DCLK2: variants seen among roughly 807,000 people sequenced by gnomAD.
The protein encoded by DCLK2 is serine/threonine-protein kinase DCLK2.
Under a neutral mutation model 78.4 loss-of-function variants are expected in DCLK2, and 31 were observed. The ratio of observed to expected loss-of-function variants is 0.40; its 90% CI spans 0.30 to 0.53. DCLK2 has a LOEUF of 0.53. DCLK2 is among the 20% of genes least tolerant of loss of function. The pLI is 0.61. For missense variants in DCLK2, 872 were observed against 973.7 expected (o/e 0.90, Z 1.39); for synonymous variants, 407 against 374.9 (o/e 1.09, Z -0.99).
chr4:150,251,240 CA>C lies in DCLK2; in HGVS notation c.2073+1557del, dbSNP rs1388828994. 5.0e-4 allele frequency among the ~76,000 whole-genome samples: 2 copies of C among 4,000 alleles called. 1 individual carries two copies. Among genetic ancestry groups the C allele is most frequent in the Non-Finnish European group, 1.1e-3 (2 of 1,852 alleles). The allele number at this position is 4,000 out of a possible 152,430, so 2.6% of individuals were successfully genotyped here. On this transcript the variant is annotated intron_variant, in intron 15 of 15. Coordinates refer to ENST00000296550, the MANE Select transcript of DCLK2 (RefSeq NM_001040260.4). ...ACACCCCACACATCCCCCACACCCC[CA>C]CACATCCCCCACACCCCACACATCC...
intron 10 of DCLK2, among the ~76,000 whole-genome samples, chr4:150,236,063 C>T (rs1004242731): frequency 2.6e-5 from 4 of 152,138 alleles, no homozygotes; most frequent in African/African-American, 9.7e-5. Flanking sequence ...TATTTGAAGT[C>T]CTTCTAAATC....
intron 2 of DCLK2, among the ~76,000 whole-genome samples, chr4:150,139,153 C>T (rs1162711359): frequency 6.6e-6 from 1 of 152,114 alleles, no homozygotes; most frequent in Non-Finnish European, 1.5e-5. Context: ...AGACCTGGGC[C>T]ACCATGCCTG....
Position 150,256,403 on chromosome 4 carries a change from TGCCGGA to T in DCLK2, c.*160_*165del. On this transcript the variant is annotated 3_prime_UTR_variant, in exon 16 of 16. Coordinates refer to ENST00000296550, the MANE Select transcript of DCLK2 (RefSeq NM_001040260.4). ...GCCGCCTGGGAACCGGAGCCTGGCGTGCCGGAGCCTGGCCTGGTGCTCTGGGCTCTG... is the reference window on the plus strand; with the variant it reads ...GCCGCCTGGGAACCGGAGCCTGGCGTGCCTGGCCTGGTGCTCTGGGCTCTG... The T allele has an allele frequency of 9.8e-7, 1 of 1,022,178 alleles. No individual in the cohort carries two copies. The highest frequency in any genetic ancestry group is 1.4e-6 in the Non-Finnish European group (1 of 729,484). The allele number at this position is 1,022,178 out of a possible 1,614,324, so 63.3% of individuals were successfully genotyped here.
chr4:150,096,056 C>G (rs1034742247), intron 1 of DCLK2, among the ~76,000 whole-genome samples: 3 of 152,148 alleles, frequency 2.0e-5, no homozygotes, highest in African/African-American at 7.2e-5. Context: ...TTTTTAAAAA[C>G]TTGTGACAGC....
intron 10 of DCLK2, among the ~76,000 whole-genome samples, chr4:150,238,403 C>T (rs1163490121): frequency 1.3e-5 from 2 of 151,980 alleles, no homozygotes; most frequent in African/African-American, 4.8e-5. Context: ...TTATATATAA[C>T]GTTTGGGTCC....
rs551284926 is a variant in DCLK2 at position 150,204,096 on chromosome 4, T to G, written c.1056+207T>G. ...CTCCTCTGAGCTGAAGTGTTTCTCTTCTCTAAAATGGGAACACGGGGTTGT... is the reference window on the plus strand; with the variant it reads ...CTCCTCTGAGCTGAAGTGTTTCTCTGCTCTAAAATGGGAACACGGGGTTGT... On this transcript the variant is annotated intron_variant, in intron 5 of 15. Transcript: ENST00000296550. Among the ~76,000 whole-genome samples the G allele has an allele frequency of 7.9e-5, 12 of 152,330 alleles. No individual in the cohort carries two copies. In the East Asian group the frequency reaches 2.3e-3, roughly 29 times the overall value.
At chr4:150,135,165 T>TACACACACACAC (rs57866267) in intron 2 of DCLK2, among the ~76,000 whole-genome samples, 3,120 of 146,902 alleles carry the variant, frequency 0.021, 99 homozygotes, top group African/African-American at 0.07. Flanking sequence ...CATACACGTG[T>TACACACACACAC]ACACACACAC....
At chr4:150,251,734 ACCCG>A in intron 15 of DCLK2, among the ~76,000 whole-genome samples, 1 of 37,932 alleles carries the variant, frequency 2.6e-5, no homozygotes, top group South Asian at 1.2e-3. Context: ...CACACCCCAC[ACCCG>A]AACACACCCC....
Position 150,185,668 on chromosome 4 carries a change from A to G in DCLK2, c.757-7470A>G, listed in dbSNP as rs1223078200. On this transcript the variant is annotated intron_variant, in intron 2 of 15. Coordinates refer to ENST00000296550, the MANE Select transcript of DCLK2 (RefSeq NM_001040260.4). ...GGTGGAGGTTGCAGTGAGCTGAGAT[A>G]GCGTCATTGTACTCCAGCCTGGGCG... Among the ~76,000 whole-genome samples the G allele has an allele frequency of 4.0e-5, 6 of 151,662 alleles. No homozygotes were observed. The South Asian group carries it at 8.3e-4, about 21-fold the overall frequency.
chr4:150,106,636 A>G (rs867177798), intron 2 of DCLK2, among the ~76,000 whole-genome samples: 12 of 152,216 alleles, frequency 7.9e-5, no homozygotes, highest in Admixed American at 2.6e-4. Flanking sequence ...CTTTTAGGCA[A>G]TTCACCATGA....
chr4:150,207,555 G>T (rs141564703), intron 5 of DCLK2, among the ~76,000 whole-genome samples: 1 of 152,116 alleles, frequency 6.6e-6, no homozygotes, highest in African/African-American at 2.4e-5. Flanking sequence ...AGTTTTCTTG[G>T]TACTCTTACG....
At chr4:150,226,088 C>T (rs966120) in intron 8 of DCLK2, among the ~76,000 whole-genome samples, 12,138 of 152,056 alleles carry the variant, frequency 0.08, 1,577 homozygotes, top group African/African-American at 0.27. Flanking sequence ...GTTATGGAAC[C>T]CCTAAACTGG....
intron 1 of DCLK2, among the ~76,000 whole-genome samples, chr4:150,093,631 C>A (rs914668648): frequency 2.0e-5 from 3 of 152,224 alleles, no homozygotes; most frequent in African/African-American, 7.2e-5. Context: ...ATCCACCCAC[C>A]TTGGGCTCCC....
At chr4:150,118,859 AC>A (rs1300762894) in intron 2 of DCLK2, among the ~76,000 whole-genome samples, 5 of 152,074 alleles carry the variant, frequency 3.3e-5, no homozygotes, top group Non-Finnish European at 5.9e-5. Flanking sequence ...CACCATCTGT[AC>A]TAAAAATACA....
intron 1 of DCLK2, among the ~76,000 whole-genome samples, chr4:150,090,738 G>A (rs926929286): frequency 3.3e-5 from 5 of 152,004 alleles, no homozygotes; most frequent in African/African-American, 9.7e-5. Flanking sequence ...ATAGATATTC[G>A]TAGGGTCAAA....
At chr4:150,160,477 A>G (rs1327531634) in intron 2 of DCLK2, among the ~76,000 whole-genome samples, 1 of 152,190 alleles carries the variant, frequency 6.6e-6, no homozygotes, top group African/African-American at 2.4e-5. Context: ...TTATCTGTAT[A>G]TTTTGAGATT....
intron 1 of DCLK2, among the ~76,000 whole-genome samples, chr4:150,088,813 A>G (rs1729832534): frequency 6.6e-6 from 1 of 152,220 alleles, no homozygotes; most frequent in African/African-American, 2.4e-5. Context: ...GGAAAAAAAG[A>G]TCATTCCAGC....
chr4:150,207,682 A>C (rs1739942719), intron 5 of DCLK2, among the ~76,000 whole-genome samples: 1 of 152,212 alleles, frequency 6.6e-6, no homozygotes, highest in South Asian at 2.1e-4. Flanking sequence ...TGTAAGAAAT[A>C]GGGTGGTGAC....
chr4:150,216,417 C>T (rs914258208), intron 5 of DCLK2, among the ~76,000 whole-genome samples: 2 of 152,192 alleles, frequency 1.3e-5, no homozygotes, highest in Admixed American at 1.3e-4. Context: ...GGCAGGGGAT[C>T]TCTTGAGGTC....
Sources: allele counts gnomAD v4.1 joint callset (sites outside exome capture counted in the v4.1 genomes callset), GRCh38; gene constraint gnomAD v4.1.1; transcripts MANE v1.5; gene names NCBI Gene and HGNC (gene_info 2026-07-23, HGNC 2026-07-21).